Variants in PHF3 observed in about 807,000 individuals in gnomAD.
PHF3 encodes the protein PHD finger protein 3.
In PHF3, 41 loss-of-function variants were observed where a neutral mutation model predicts 178.4. That is an observed-to-expected ratio of 0.23 (90% CI 0.18 to 0.30). PHF3 has a LOEUF of 0.30. PHF3 is among the 10% of genes least tolerant of loss of function. PHF3 has a pLI of 1.00. For synonymous variants in PHF3, 842 were observed against 800.5 expected (o/e 1.05, Z -0.88); for missense variants, 2,346 against 2,398.1 (o/e 0.98, Z 0.45).
chr6:63,712,389 C>G lies in PHF3; in HGVS notation c.4801C>G (p.Gln1601Glu), dbSNP rs758277558. 8.7e-6 allele frequency: 14 copies of G among 1,613,652 alleles called. No homozygotes were observed. The highest frequency in any genetic ancestry group is 1.1e-5 in the Non-Finnish European group (13 of 1,179,838). ...ATTAAAAAGACAGCTTCAGGAAGATCAAGAGAATAATTTGCAAGATAACCA... is the reference window on the plus strand; with the variant it reads ...ATTAAAAAGACAGCTTCAGGAAGATGAAGAGAATAATTTGCAAGATAACCA... ...KTLKRQLQEDQENNLQDNQTS... is the reference protein window; with the variant it reads ...KTLKRQLQEDEENNLQDNQTS... The change falls in exon 16 of 16, where the codon CAA becomes GAA. Residue 1601 changes from glutamine to glutamate, a missense_variant. Physicochemically the swap from Gln to Glu is conservative, Grantham distance 29. Around this residue, in one of 8 missense-constraint regions of PHF3, gnomAD observed 839 missense variants for 806.9 expected, o/e 1.04. Coordinates refer to ENST00000262043, the MANE Select transcript of PHF3 (RefSeq NM_001370348.2).
chr6:63,664,665 AACTT>A (rs1225559533), intron 2 of PHF3, among the ~76,000 whole-genome samples: 3 of 152,140 alleles, frequency 2.0e-5, no homozygotes, highest in African/African-American at 7.2e-5. Flanking sequence ...GTTGTATAAG[AACTT>A]ACTTGGAATG....
At position 63,719,318 on chromosome 6, in the gene PHF3, G is replaced by T. The variant is rs1768283002; in HGVS notation, c.*5610G>T. Among the ~76,000 whole-genome samples, 1 of 152,038 alleles carries T rather than the reference G, an allele frequency of 6.6e-6. No individual in the cohort carries two copies. Among genetic ancestry groups the T allele is most frequent in the African/African-American group, 2.4e-5 (1 of 41,430 alleles). Reference sequence around the variant, plus strand: ...TCTGCACAGAAATGTGTATTCATCAGCCCTTATTTTTTGTAAATCTTTTCT... The same window carrying T: ...TCTGCACAGAAATGTGTATTCATCATCCCTTATTTTTTGTAAATCTTTTCT... On this transcript the variant is annotated 3_prime_UTR_variant, in exon 16 of 16. Coordinates refer to ENST00000262043, the MANE Select transcript of PHF3 (RefSeq NM_001370348.2).
chr6:63,680,450 A>G (rs1170502862), intron 3 of PHF3, among the ~76,000 whole-genome samples: 2 of 142,322 alleles, frequency 1.4e-5, no homozygotes, highest in African/African-American at 5.3e-5. Flanking sequence ...TCTAGGTAAC[A>G]TGCATATGTT....
chr6:63,652,596 T>A (rs1765064154), intron 2 of PHF3, among the ~76,000 whole-genome samples: 1 of 152,160 alleles, frequency 6.6e-6, no homozygotes, highest in Non-Finnish European at 1.5e-5. Context: ...GAGGTCTCCA[T>A]AAAATTTTTG....
chr6:63,649,186 C>T (rs1682736205), intron 2 of PHF3, among the ~76,000 whole-genome samples: 2 of 151,590 alleles, frequency 1.3e-5, no homozygotes, highest in South Asian at 2.1e-4. Flanking sequence ...TCAAGCTATC[C>T]TCCGGCCTAT....
rs184794171 is a variant in PHF3, at chr6:63,716,742, C to T, written c.*3034C>T. ...AATTTCCTTGGCTCATGATCCCTTC[C>T]TCCATATTTGAAGCCAGCAGTGTGG... is the stretch of plus-strand genomic sequence containing the variant. On this transcript the variant is annotated 3_prime_UTR_variant, in exon 16 of 16. Transcript: ENST00000262043. Among the ~76,000 whole-genome samples, 2 of 151,958 alleles carry T rather than the reference C, an allele frequency of 1.3e-5. No homozygotes were observed. Among genetic ancestry groups the T allele is most frequent in the African/African-American group, 2.4e-5 (1 of 41,458 alleles).
rs1192211743 is a variant in PHF3 at position 63,723,339 on chromosome 6, G to A, written c.*9631G>A. Reference sequence around the variant, plus strand: ...GTTATACCACCAAAAACTGGAACAAGTAAACATAATTGATAATTAAGTTCA... The same window carrying A: ...GTTATACCACCAAAAACTGGAACAAATAAACATAATTGATAATTAAGTTCA... On this transcript the variant is annotated 3_prime_UTR_variant, in exon 16 of 16. Transcript: ENST00000262043. 6.6e-6 allele frequency among the ~76,000 whole-genome samples: 1 copy of A among 152,136 alleles called. No individual in the cohort carries two copies. The highest frequency in any genetic ancestry group is 1.5e-5 in the Non-Finnish European group (1 of 68,030).
In PHF3 at chr6:63,723,929, TC is replaced by T. The variant is rs1768512964; in HGVS notation, c.*10224del. On this transcript the variant is annotated 3_prime_UTR_variant, in exon 16 of 16. Coordinates refer to ENST00000262043, the MANE Select transcript of PHF3 (RefSeq NM_001370348.2). ...CTCCATCTCCCGGGCTGCCTCAGTT[TC>T]CCGAGTATCTGGGACTACAGGCACT... 6.6e-6 allele frequency among the ~76,000 whole-genome samples: 1 copy of T among 151,824 alleles called. No individual in the cohort carries two copies. The highest frequency in any genetic ancestry group is 1.5e-5 in the Non-Finnish European group (1 of 67,948).
Position 63,721,918 on chromosome 6 carries a change from G to T in PHF3, c.*8210G>T. On this transcript the variant is annotated 3_prime_UTR_variant, in exon 16 of 16. Transcript: ENST00000262043. Reference sequence around the variant, plus strand: ...TGGGGAAAAAAGTAACAGATCTTGAGCACAATTGTGTTAGTTTTGTTTCCA... The same window carrying T: ...TGGGGAAAAAAGTAACAGATCTTGATCACAATTGTGTTAGTTTTGTTTCCA... 2.3e-6 allele frequency: 2 copies of T among 852,912 alleles called. No homozygotes were observed. Among genetic ancestry groups the T allele is most frequent in the Non-Finnish European group, 3.5e-6 (2 of 563,638 alleles). The allele number at this position is 852,912 out of a possible 1,614,324, so 52.8% of individuals were successfully genotyped here. A position where few individuals can be genotyped will look rare whatever the true frequency, so the allele number is the denominator to read the frequency against.
At position 63,685,921 on chromosome 6, in the gene PHF3, T is replaced by A. The variant is rs893767646; in HGVS notation, c.2189+10T>A. On this transcript the variant is annotated intron_variant, in intron 4 of 15. Coordinates refer to ENST00000262043, the MANE Select transcript of PHF3 (RefSeq NM_001370348.2). ...AACCACATGGCAACAGGTGTGTGTG[T>A]ATGTGTGTATGAGTGATGTGTACAT... 6.3e-7 allele frequency: 1 copy of A among 1,582,536 alleles called. No homozygotes were observed. Among genetic ancestry groups the A allele is most frequent in the Non-Finnish European group, 8.6e-7 (1 of 1,157,392 alleles).
Position 63,684,232 on chromosome 6 carries a change from A to G in PHF3, c.510A>G (p.Lys170=). 3.1e-6 allele frequency: 5 copies of G among 1,614,088 alleles called. No individual in the cohort carries two copies. The highest frequency in any genetic ancestry group is 4.2e-6 in the Non-Finnish European group (5 of 1,179,914). The stretch of plus-strand genomic sequence containing the variant: ...CTGGGAAGACTGTATCTACTGCTAA[A>G]GCAGGAGTGAAACAACCAGAAAGGA... ...KASGKTVSTA[K]AGVKQPERSQ... Residue 170 remains lysine, a synonymous_variant, in exon 4 of 16, where the codon AAA becomes AAG. Transcript: ENST00000262043.
chr6:63,672,118 G>A lies in PHF3; in HGVS notation c.245-7882G>A, dbSNP rs1765945135. 3.3e-5 allele frequency among the ~76,000 whole-genome samples: 5 copies of A among 152,358 alleles called. No homozygotes were observed. The South Asian group carries it at 1.0e-3, about 32-fold the overall frequency. On this transcript the variant is annotated intron_variant, in intron 2 of 15. Transcript: ENST00000262043. Reference sequence around the variant, plus strand: ...AGCCTCCCAAAGTGCTGGGATTGCAGGCGTGAGCCACCGTGCCTGGCCAAT... The same window carrying A: ...AGCCTCCCAAAGTGCTGGGATTGCAAGCGTGAGCCACCGTGCCTGGCCAAT...
intron 2 of PHF3, among the ~76,000 whole-genome samples, chr6:63,659,581 A>G (rs1765381119): frequency 6.6e-6 from 1 of 152,228 alleles, no homozygotes. Context: ...CGAAAACCTT[A>G]AGAGCTGTAG....
In PHF3 at chr6:63,713,281, G is replaced by A. The variant is rs917074939; in HGVS notation, c.5693G>A (p.Ser1898Asn). The A allele has an allele frequency of 3.1e-6, 5 of 1,614,048 alleles. No homozygotes were observed. The highest frequency in any genetic ancestry group is 4.2e-6 in the Non-Finnish European group (5 of 1,179,986). Residue 1898 changes from serine to asparagine, a missense_variant, in exon 16 of 16, where the codon AGT (serine) becomes AAT (asparagine). Physicochemically the swap from Ser to Asn is conservative, Grantham distance 46. Coordinates refer to ENST00000262043, the MANE Select transcript of PHF3 (RefSeq NM_001370348.2). ...KDIRRPERRH[S>N]DPWGRQDQQQ... Reference sequence around the variant, plus strand: ...ATTCGGAGGCCAGAAAGGCGCCATAGTGACCCTTGGGGTAGGCAAGACCAA... The same window carrying A: ...ATTCGGAGGCCAGAAAGGCGCCATAATGACCCTTGGGGTAGGCAAGACCAA...
At chr6:63,703,400 C>CA (rs1369137215) in intron 10 of PHF3, 136 bp from the exon 11 acceptor site, 5 of 898,170 alleles carry the variant, frequency 5.6e-6, no homozygotes, top group South Asian at 3.7e-5. Context: ...AAAAAAAAAC[C>CA]AAAAAACAAA....
chr6:63,697,913 G>C (rs941902461), intron 6 of PHF3, among the ~76,000 whole-genome samples: 2 of 152,080 alleles, frequency 1.3e-5, no homozygotes, highest in Admixed American at 6.6e-5. Flanking sequence ...TGTGGTATTA[G>C]GTTATCTGCT....
chr6:63,652,223 A>G (rs1765048903), intron 2 of PHF3, among the ~76,000 whole-genome samples: 1 of 152,214 alleles, frequency 6.6e-6, no homozygotes, highest in African/African-American at 2.4e-5. Flanking sequence ...TCTTTTTGAT[A>G]ATAGCCATTC....
intron 2 of PHF3, among the ~76,000 whole-genome samples, chr6:63,672,088 G>A (rs1348010030): frequency 3.9e-5 from 6 of 152,246 alleles, no homozygotes; most frequent in East Asian, 1.9e-4. Context: ...TCGTCTGTCC[G>A]CCTCAGCCTC....
At chr6:63,692,263 C>CT (rs950745372) in intron 5 of PHF3, among the ~76,000 whole-genome samples, 1 of 152,136 alleles carries the variant, frequency 6.6e-6, no homozygotes, top group South Asian at 2.1e-4. Flanking sequence ...CTCTTACAGT[C>CT]TTTTTTGCCA....
Sources: allele counts gnomAD v4.1 joint callset (sites outside exome capture counted in the v4.1 genomes callset), GRCh38; gene constraint gnomAD v4.1.1; regional missense constraint gnomAD v4.1.1; transcripts MANE v1.5; gene names NCBI Gene and HGNC (gene_info 2026-07-23, HGNC 2026-07-21).